The following NCOA2 variants were observed in gnomAD, a reference collection of about 807,000 sequenced individuals.
The protein encoded by NCOA2 is class E basic helix-loop-helix protein 75.
A neutral mutation model predicts 145.1 loss-of-function variants in NCOA2; 21 were observed. That is an observed-to-expected ratio of 0.14 (90% CI 0.10 to 0.21). NCOA2 has a LOEUF of 0.21. Ranked by LOEUF, NCOA2 falls within the 10% of genes least tolerant of loss-of-function variation. The pLI, the probability that NCOA2 is intolerant of heterozygous loss-of-function variation, is 1.00. For missense variants in NCOA2, 1,472 were observed against 1,837.6 expected (o/e 0.80, Z 3.64); for synonymous variants, 619 against 637.5 (o/e 0.97, Z 0.44).
intron 1 of NCOA2, among the ~76,000 whole-genome samples, chr8:70,335,994 A>G (rs1404380261): frequency 2.0e-5 from 3 of 152,226 alleles, no homozygotes. Context: ...AAGGTATAGA[A>G]GATTTTTAAA....
At chr8:70,407,274 A>G (rs74779209), upstream of NCOA2, among the ~76,000 whole-genome samples, 7,514 of 152,324 alleles carry the variant, frequency 0.049, 273 homozygotes, top group East Asian at 0.16. Flanking sequence ...CTTAAATAGT[A>G]TAACTACAAT....
intron 1 of NCOA2, among the ~76,000 whole-genome samples, chr8:70,398,263 G>C (rs1336460904): frequency 4.6e-5 from 7 of 152,110 alleles, no homozygotes; most frequent in African/African-American, 1.7e-4. Context: ...TTTAAGTCCA[G>C]CCTGGGGCAA....
chr8:70,179,098 TTCC>T (rs2132902846), intron 4 of NCOA2, among the ~76,000 whole-genome samples: 1 of 152,338 alleles, frequency 6.6e-6, no homozygotes, highest in African/African-American at 2.4e-5. Context: ...GAAATTTTTA[TTCC>T]TCATTAATAA....
intron 1 of NCOA2, among the ~76,000 whole-genome samples, chr8:70,395,536 T>G (rs1384026052): frequency 1.3e-5 from 2 of 152,254 alleles, no homozygotes; most frequent in African/African-American, 4.8e-5. Flanking sequence ...ATTCCTTATT[T>G]AGGAATCTAA....
At chr8:70,435,049 C>T in the NCOA2 span, among the ~76,000 whole-genome samples, 1 of 152,268 alleles carries the variant, frequency 6.6e-6, no homozygotes, top group Admixed American at 6.5e-5. Context: ...GTTTATGTAT[C>T]TGTCCCTTGG....
chr8:70,195,077 A>G (rs554721064), intron 4 of NCOA2, among the ~76,000 whole-genome samples: 1 of 152,256 alleles, frequency 6.6e-6, no homozygotes, highest in East Asian at 1.9e-4. Context: ...ACCTACAGGG[A>G]GTGTTGCAAG....
chr8:70,300,819 T>C (rs1827432738), intron 1 of NCOA2, among the ~76,000 whole-genome samples: 1 of 152,164 alleles, frequency 6.6e-6, no homozygotes, highest in South Asian at 2.1e-4. Flanking sequence ...AATGTAACAA[T>C]AGCATCAATA....
At chr8:70,221,906 A>G (rs1012308262) in intron 2 of NCOA2, among the ~76,000 whole-genome samples, 2 of 152,166 alleles carry the variant, frequency 1.3e-5, no homozygotes, top group African/African-American at 4.8e-5. Flanking sequence ...GACATGACAC[A>G]ATATTTTTAA....
rs553881844 is a variant in NCOA2, at chr8:70,364,320, T to C, written c.-77+39380A>G. On this transcript the variant is annotated intron_variant, in intron 1 of 22. Coordinates refer to ENST00000452400, the MANE Select transcript of NCOA2 (RefSeq NM_006540.4). The stretch of plus-strand genomic sequence containing the variant: ...TTCTTCAAATACAGTATGTGGAAAG[T>C]GGAGAAAAGGAAGAAAAGGTGTATG... Among the ~76,000 whole-genome samples, 10 of 151,704 alleles carry C rather than the reference T, an allele frequency of 6.6e-5. No individual in the cohort carries two copies. In the South Asian group the frequency reaches 1.9e-3, roughly 29 times the overall value.
intron 10 of NCOA2, among the ~76,000 whole-genome samples, chr8:70,157,906 T>C (rs942395664): frequency 4.6e-5 from 7 of 152,184 alleles, no homozygotes; most frequent in African/African-American, 1.7e-4. Flanking sequence ...GTGACTTTAG[T>C]TTGGGATCTT....
At chr8:70,438,766 G>T in the NCOA2 span, among the ~76,000 whole-genome samples, 4 of 152,158 alleles carry the variant, frequency 2.6e-5, no homozygotes, top group African/African-American at 7.2e-5. Flanking sequence ...AGGACAAAAG[G>T]TTTCTTCCAA....
chr8:70,233,735 C>T (rs1821352080), intron 2 of NCOA2, among the ~76,000 whole-genome samples: 1 of 152,196 alleles, frequency 6.6e-6, no homozygotes, highest in African/African-American at 2.4e-5. Flanking sequence ...ATAGGTCCTC[C>T]TCTTACATAA....
intron 12 of NCOA2, among the ~76,000 whole-genome samples, chr8:70,146,507 A>T (rs1811080206): frequency 6.6e-6 from 1 of 152,244 alleles, no homozygotes; most frequent in Non-Finnish European, 1.5e-5. Flanking sequence ...TAGAAATAAA[A>T]TATTTTAAAA....
chr8:70,220,675 T>C (rs1054946740), intron 2 of NCOA2, among the ~76,000 whole-genome samples: 3 of 152,178 alleles, frequency 2.0e-5, no homozygotes, highest in African/African-American at 7.2e-5. Flanking sequence ...AATTCAAAAA[T>C]GTACTTTCAT....
At chr8:70,209,294 TAAAC>T (rs1643567946) in intron 4 of NCOA2, among the ~76,000 whole-genome samples, 1 of 152,212 alleles carries the variant, frequency 6.6e-6, no homozygotes, top group Admixed American at 6.5e-5. Context: ...TTTTTGCGGA[TAAAC>T]AAAGAAAATG....
intron 4 of NCOA2, among the ~76,000 whole-genome samples, chr8:70,194,501 A>G (rs978160265): frequency 6.6e-6 from 1 of 152,166 alleles, no homozygotes; most frequent in African/African-American, 2.4e-5. Flanking sequence ...AGATGGACAG[A>G]TCTTATGATG....
rs1321650947 is a variant in NCOA2 at position 70,128,459 on chromosome 8, T to G, written c.3655A>C (p.Thr1219Pro). ...TGTGTTGGTACTCCAGGCCTCAGAGTCAAGTTCACATTGGAAACATTGCTG... is the reference window on the plus strand; with the variant it reads ...TGTGTTGGTACTCCAGGCCTCAGAGGCAAGTTCACATTGGAAACATTGCTG... ...QISNVSNVNL[T>P]LRPGVPTQAP... Residue 1219 changes from threonine to proline, a missense_variant, in exon 18 of 23, where the codon ACT becomes CCT. This residue lies in a region of NCOA2 where 953 missense variants were observed against 1,062.1 expected (regional missense o/e 0.90). Transcript: ENST00000452400. 1 of 1,612,746 alleles carries G rather than the reference T, an allele frequency of 6.2e-7. No individual in the cohort carries two copies. The highest frequency in any genetic ancestry group is 1.3e-5 in the African/African-American group (1 of 74,904).
intron 15 of NCOA2, among the ~76,000 whole-genome samples, chr8:70,137,332 C>T (rs1236142039): frequency 6.6e-6 from 1 of 152,164 alleles, no homozygotes; most frequent in Admixed American, 6.5e-5. Context: ...CGTGAGCCAC[C>T]GCGTCTAGCT....
At position 70,156,249 on chromosome 8, in the gene NCOA2, A is replaced by C. The variant is rs757300112; in HGVS notation, c.2116T>G (p.Leu706Val). 3 of 1,613,824 alleles carry C rather than the reference A, an allele frequency of 1.9e-6. No homozygotes were observed. Among genetic ancestry groups the C allele is most frequent in the Non-Finnish European group, 2.5e-6 (3 of 1,179,856 alleles). ...DSSSPVDLAK[L>V]TAEATGKDLS... ...TCTTTGCCTGTGGCTTCTGCTGTTA[A>C]CTTGGCCAAGTCCACAGGGGAACTG... Residue 706 changes from leucine to valine, a missense_variant, in exon 11 of 23, where the codon TTA becomes GTA. Around this residue, in one of 4 missense-constraint regions of NCOA2, gnomAD observed 953 missense variants for 1,062.1 expected, o/e 0.90. Transcript: ENST00000452400.
Sources: allele counts gnomAD v4.1 joint callset (sites outside exome capture counted in the v4.1 genomes callset), GRCh38; gene constraint gnomAD v4.1.1; regional missense constraint gnomAD v4.1.1; transcripts MANE v1.5; gene names NCBI Gene and HGNC (gene_info 2026-07-23, HGNC 2026-07-21).